IQCM: variants seen among roughly 807,000 people sequenced by gnomAD.
IQCM encodes IQ motif containing M.
A neutral mutation model predicts 57.6 loss-of-function variants in IQCM; 45 were observed. The ratio of observed to expected loss-of-function variants is 0.78; its 90% CI spans 0.62 to 1.00. The LOEUF is 1.00. IQCM is among the 50% of genes least tolerant of loss of function. The pLI is 0.00. For synonymous variants in IQCM, 148 were observed against 158.9 expected, an observed-to-expected ratio of 0.93 and a Z score of 0.51; for missense variants, 468 against 511.6, an observed-to-expected ratio of 0.91 and a Z score of 0.82.
At chr4:149,384,758 T>TG (rs1042053845) in intron 13 of IQCM, among the ~76,000 whole-genome samples, 11 of 152,156 alleles carry the variant, frequency 7.2e-5, no homozygotes, top group African/African-American at 2.6e-4. Context: ...CTTTTTTTTT[T>TG]TTGTCAGTTT....
intron 13 of IQCM, among the ~76,000 whole-genome samples, chr4:149,415,451 T>C (rs1733681614): frequency 6.6e-6 from 1 of 152,174 alleles, no homozygotes; most frequent in Non-Finnish European, 1.5e-5. Context: ...GTAAGTGTGT[T>C]TTATAATTCT....
intron 2 of IQCM, 92 bp from the exon 3 acceptor site, chr4:149,742,831 AT>A (rs1475133151): frequency 3.9e-6 from 2 of 517,046 alleles, no homozygotes; most frequent in African/African-American, 4.0e-5. Context: ...AGGGTGAATG[AT>A]TAAAACTTTT....
At chr4:149,688,849 G>T (rs1762739575) in intron 5 of IQCM, among the ~76,000 whole-genome samples, 1 of 151,972 alleles carries the variant, frequency 6.6e-6, no homozygotes, top group African/African-American at 2.4e-5. Flanking sequence ...AACAAAGTGG[G>T]GAAAGGACAC....
intron 12 of IQCM, among the ~76,000 whole-genome samples, chr4:149,453,072 C>T (rs1157365939): frequency 2.7e-5 from 4 of 150,134 alleles, no homozygotes; most frequent in Admixed American, 2.7e-4. Flanking sequence ...AAGCAATTTA[C>T]AACATCGTAG....
chr4:149,595,684 G>C (rs780200091), intron 8 of IQCM, among the ~76,000 whole-genome samples: 3 of 152,036 alleles, frequency 2.0e-5, no homozygotes, highest in Non-Finnish European at 4.4e-5. Flanking sequence ...GCAGAATCAG[G>C]AGGTACCAAA....
At chr4:149,701,933 G>A (rs1763803097) in intron 5 of IQCM, among the ~76,000 whole-genome samples, 1 of 151,854 alleles carries the variant, frequency 6.6e-6, no homozygotes, top group Non-Finnish European at 1.5e-5. Flanking sequence ...ATAATTAGAA[G>A]GAAATTTAAA....
At chr4:149,636,871 C>T (rs534225684) in intron 7 of IQCM, among the ~76,000 whole-genome samples, 3 of 152,122 alleles carry the variant, frequency 2.0e-5, no homozygotes, top group East Asian at 1.9e-4. Context: ...CGGCCGGGCG[C>T]GGTGGCTCAC....
chr4:149,429,996 T>C, intron 13 of IQCM: 1 of 1,228,372 alleles, frequency 8.1e-7, no homozygotes, highest in African/African-American at 1.6e-5. Context: ...CACAAATAGA[T>C]ATAGGTCACC....
intron 13 of IQCM, among the ~76,000 whole-genome samples, chr4:149,420,078 G>T (rs1391065339): frequency 6.6e-6 from 1 of 152,084 alleles, no homozygotes; most frequent in Non-Finnish European, 1.5e-5. Flanking sequence ...GTGAAAGATG[G>T]TGTGACAATT....
At chr4:149,434,744 G>A (rs1481461079) in intron 12 of IQCM, among the ~76,000 whole-genome samples, 1 of 151,914 alleles carries the variant, frequency 6.6e-6, no homozygotes, top group Non-Finnish European at 1.5e-5. Context: ...AAACAAATTG[G>A]GCAATGGAGA....
chr4:149,599,393 T>C (rs1371391725), intron 8 of IQCM, among the ~76,000 whole-genome samples: 1 of 152,114 alleles, frequency 6.6e-6, no homozygotes, highest in African/African-American at 2.4e-5. Flanking sequence ...ACTAGGAATA[T>C]GTGTACATGT....
At chr4:149,397,620 T>C (rs1732321874) in intron 13 of IQCM, among the ~76,000 whole-genome samples, 1 of 152,060 alleles carries the variant, frequency 6.6e-6, no homozygotes, top group Middle Eastern at 3.2e-3. Flanking sequence ...TGTGAGTCAA[T>C]TAAACCTCCT....
intron 8 of IQCM, among the ~76,000 whole-genome samples, chr4:149,598,001 C>T (rs531302083): frequency 4.6e-5 from 7 of 151,986 alleles, no homozygotes; most frequent in East Asian, 1.9e-4. Context: ...CTTTTTTTAC[C>T]CCCAGCAACA....
intron 5 of IQCM, among the ~76,000 whole-genome samples, chr4:149,716,225 G>A (rs1375558600): frequency 6.6e-6 from 1 of 152,190 alleles, no homozygotes; most frequent in Non-Finnish European, 1.5e-5. Context: ...AACCCCCTTG[G>A]CCTCCGTCCC....
chr4:149,723,625 C>T (rs1224907416), intron 5 of IQCM, among the ~76,000 whole-genome samples: 3 of 152,014 alleles, frequency 2.0e-5, no homozygotes, highest in East Asian at 3.9e-4. Context: ...CCCTGCACCC[C>T]TGGGATGAAA....
intron 9 of IQCM, among the ~76,000 whole-genome samples, chr4:149,576,474 T>C (rs1440994066): frequency 6.6e-6 from 1 of 151,878 alleles, no homozygotes; most frequent in Non-Finnish European, 1.5e-5. Context: ...GAGATTTTAG[T>C]GCACATATCA....
rs970141000 is a variant in IQCM at position 149,575,262 on chromosome 4, A to T, written c.750-11372T>A. 2.6e-5 allele frequency among the ~76,000 whole-genome samples: 4 copies of T among 151,900 alleles called. No homozygotes were observed. In the Admixed American group the frequency reaches 2.6e-4, roughly 10 times the overall value. ...TAAATGATTTCTGTTAAGTTTGAAA[A>T]CAATGCATTAAATTCAGCATGGGTG... On this transcript the variant is annotated intron_variant, in intron 9 of 13. Coordinates refer to ENST00000636793, the MANE Select transcript of IQCM (RefSeq NM_001363507.2).
chr4:149,669,814 C>A (rs990146713), intron 7 of IQCM, among the ~76,000 whole-genome samples: 1 of 152,052 alleles, frequency 6.6e-6, no homozygotes, highest in Non-Finnish European at 1.5e-5. Flanking sequence ...TCTGAGGGCT[C>A]TGCTTTGTTT....
chr4:149,396,331 T>C (rs1244526695), intron 13 of IQCM, among the ~76,000 whole-genome samples: 1 of 151,730 alleles, frequency 6.6e-6, no homozygotes, highest in Non-Finnish European at 1.5e-5. Flanking sequence ...TATACATACA[T>C]ATATTTTATA....
Sources: allele counts gnomAD v4.1 joint callset (sites outside exome capture counted in the v4.1 genomes callset), GRCh38; gene constraint gnomAD v4.1.1; transcripts MANE v1.5; gene names NCBI Gene and HGNC (gene_info 2026-07-23, HGNC 2026-07-21).